PCDH15: variants seen among roughly 807,000 people sequenced by gnomAD.
PCDH15 encodes the protein protocadherin related 15.
In PCDH15, 129 loss-of-function variants were observed where a neutral mutation model predicts 178.5. That is an observed-to-expected ratio of 0.72 (90% CI 0.63 to 0.84). PCDH15 has a LOEUF of 0.84. PCDH15 is among the 40% of genes least tolerant of loss of function. PCDH15 has a pLI of 0.00. For synonymous variants in PCDH15, 800 were observed against 732.0 expected (o/e 1.09, Z -1.50); for missense variants, 2,230 against 2,099.9 (o/e 1.06, Z -1.21).
intron 2 of PCDH15, among the ~76,000 whole-genome samples, chr10:55,159,172 C>A (rs1838983994): frequency 6.6e-6 from 1 of 151,630 alleles, no homozygotes; most frequent in African/African-American, 2.4e-5. Flanking sequence ...TTTTACAACT[C>A]CTTCATATTA....
intron 2 of PCDH15, among the ~76,000 whole-genome samples, chr10:55,434,992 T>A (rs531705975): frequency 2.0e-5 from 3 of 152,230 alleles, no homozygotes; most frequent in Non-Finnish European, 4.4e-5. Flanking sequence ...AATAGTCATG[T>A]ACTTGAAGAA....
At chr10:53,904,145 T>A (rs1244036650) in intron 25 of PCDH15, among the ~76,000 whole-genome samples, 4 of 152,176 alleles carry the variant, frequency 2.6e-5, no homozygotes, top group African/African-American at 4.8e-5. Flanking sequence ...CAATTTAATA[T>A]GTATAAAAAT....
At chr10:54,554,211 C>T (rs990111447) in intron 2 of PCDH15, among the ~76,000 whole-genome samples, 1 of 152,226 alleles carries the variant, frequency 6.6e-6, no homozygotes, top group Middle Eastern at 3.4e-3. Context: ...TGGCCCCTTA[C>T]CTCCTGGATT....
intron 2 of PCDH15, among the ~76,000 whole-genome samples, chr10:54,547,246 A>T (rs934532731): frequency 7.9e-5 from 12 of 152,134 alleles, no homozygotes; most frequent in Non-Finnish European, 1.6e-4. Flanking sequence ...TTGCTTCTCA[A>T]ACAAAATGCT....
chr10:54,195,612 T>G, intron 11 of PCDH15, 71 bp downstream of exon 11: 3 of 1,293,510 alleles, frequency 2.3e-6, no homozygotes, highest in Non-Finnish European at 3.4e-6. Flanking sequence ...GCCATATCTT[T>G]GTCATATTTC....
At chr10:55,622,588 T>A (rs1398541016) in intron 2 of PCDH15, among the ~76,000 whole-genome samples, 2 of 152,114 alleles carry the variant, frequency 1.3e-5, no homozygotes, top group Non-Finnish European at 2.9e-5. Flanking sequence ...TCATAAAATG[T>A]AAGATATTTT....
intron 1 of PCDH15, among the ~76,000 whole-genome samples, chr10:55,199,644 A>G (rs1840187442): frequency 6.6e-6 from 1 of 152,024 alleles, no homozygotes; most frequent in Non-Finnish European, 1.5e-5. Context: ...CATTTCAGGG[A>G]CCTTTGTGGC....
intron 9 of PCDH15, among the ~76,000 whole-genome samples, chr10:54,228,341 C>CT (rs199779767): frequency 6.6e-6 from 1 of 151,990 alleles, no homozygotes; most frequent in African/African-American, 2.4e-5. Context: ...GGGAACTCCT[C>CT]TTTTTAAAAA....
At chr10:55,265,722 C>G (rs576795554) in intron 1 of PCDH15, among the ~76,000 whole-genome samples, 2 of 152,180 alleles carry the variant, frequency 1.3e-5, no homozygotes, top group African/African-American at 4.8e-5. Context: ...CCACTGCCTT[C>G]CTGGAAAAGC....
At chr10:55,431,391 C>T (rs1367172620) in intron 2 of PCDH15, among the ~76,000 whole-genome samples, 1 of 152,128 alleles carries the variant, frequency 6.6e-6, no homozygotes, top group East Asian at 1.9e-4. Context: ...AAGGCTCCAT[C>T]TCTCGCTTCC....
At chr10:54,446,529 T>C (rs868268003) in intron 3 of PCDH15, among the ~76,000 whole-genome samples, 8 of 151,660 alleles carry the variant, frequency 5.3e-5, no homozygotes, top group African/African-American at 1.9e-4. Flanking sequence ...TATTTCATCT[T>C]TGTGAGTCTT....
intron 3 of PCDH15, among the ~76,000 whole-genome samples, chr10:54,464,447 A>T (rs2077389759): frequency 6.6e-6 from 1 of 152,220 alleles, no homozygotes; most frequent in Admixed American, 6.5e-5. Context: ...TTAAGCATTG[A>T]GAGGAACTAG....
At chr10:54,170,241 T>C (rs1189610088) in intron 13 of PCDH15, among the ~76,000 whole-genome samples, 2 of 132,834 alleles carry the variant, frequency 1.5e-5, no homozygotes, top group African/African-American at 5.9e-5. Flanking sequence ...GTCCGACTGA[T>C]CTCTCAAACC....
chr10:54,415,517 T>G, intron 3 of PCDH15, among the ~76,000 whole-genome samples: 1 of 152,102 alleles, frequency 6.6e-6, no homozygotes, highest in East Asian at 1.9e-4. Context: ...TTCTCAAATT[T>G]TAGCAATGGG....
chr10:53,809,680 T>C, intron 37 of PCDH15: 1 of 856,176 alleles, frequency 1.2e-6, no homozygotes, highest in Admixed American at 2.4e-5. Context: ...CTTAAGAAAA[T>C]AATCACAAAA....
chr10:54,497,744 G>A (rs564990716), intron 3 of PCDH15, among the ~76,000 whole-genome samples: 63 of 151,630 alleles, frequency 4.2e-4, no homozygotes, highest in East Asian at 1.4e-3. Flanking sequence ...AATGCAGGCC[G>A]AAAAAAATAA....
intron 35 of PCDH15, among the ~76,000 whole-genome samples, chr10:53,815,421 TAA>T (rs2076026704): frequency 6.6e-6 from 1 of 152,194 alleles, no homozygotes; most frequent in Non-Finnish European, 1.5e-5. Flanking sequence ...AGGTCTTGCA[TAA>T]AGTCATTGGT....
At chr10:55,046,289 C>G (rs1314431349) in intron 2 of PCDH15, among the ~76,000 whole-genome samples, 4 of 151,956 alleles carry the variant, frequency 2.6e-5, no homozygotes, top group African/African-American at 9.7e-5. Flanking sequence ...CGAAGCTCCT[C>G]AGGCATATGA....
chr10:54,644,832 A>C (rs1452618490), intron 2 of PCDH15, among the ~76,000 whole-genome samples: 1 of 152,060 alleles, frequency 6.6e-6, no homozygotes, highest in Admixed American at 6.6e-5. Flanking sequence ...AGGGCTGTGC[A>C]CTCTGTACCT....
Sources: allele counts gnomAD v4.1 joint callset (sites outside exome capture counted in the v4.1 genomes callset), GRCh38; gene constraint gnomAD v4.1.1; transcripts MANE v1.5; gene names NCBI Gene and HGNC (gene_info 2026-07-23, HGNC 2026-07-21).